The following PLCB1 variants were observed in gnomAD, a reference collection of about 807,000 sequenced individuals.
PLCB1 encodes the protein 1-phosphatidylinositol 4,5-bisphosphate phosphodiesterase beta-1.
Under a neutral mutation model 161.8 loss-of-function variants are expected in PLCB1, and 46 were observed. The observed-to-expected ratio is 0.28, with a 90% CI of 0.22 to 0.36. The LOEUF is 0.36. Among genes scored for constraint, PLCB1 ranks in the 10% least tolerant of loss-of-function variants. The pLI is 1.00. For missense variants in PLCB1, 1,016 were observed against 1,472.5 expected (o/e 0.69, Z 5.07); for synonymous variants, 517 against 503.7 (o/e 1.03, Z -0.35).
At chr20:8,240,332 T>C (rs1980546775) in intron 2 of PLCB1, among the ~76,000 whole-genome samples, 1 of 151,738 alleles carries the variant, frequency 6.6e-6, no homozygotes, top group Admixed American at 6.6e-5. Context: ...TTGCTTAATA[T>C]GCAGTATTTA....
intron 31 of PLCB1, among the ~76,000 whole-genome samples, chr20:8,827,077 A>C (rs1052801274): frequency 6.6e-6 from 1 of 152,240 alleles, no homozygotes; most frequent in African/African-American, 2.4e-5. Context: ...GTAACAAGTA[A>C]TTAAGGAAAC....
At chr20:8,386,398 AG>A (rs1987427621) in intron 3 of PLCB1, among the ~76,000 whole-genome samples, 1 of 152,208 alleles carries the variant, frequency 6.6e-6, no homozygotes, top group East Asian at 1.9e-4. Flanking sequence ...TTTTGTGGCC[AG>A]GTGCATTGTC....
chr20:8,237,954 A>C (rs926136731), intron 2 of PLCB1, among the ~76,000 whole-genome samples: 3 of 152,120 alleles, frequency 2.0e-5, no homozygotes, highest in Non-Finnish European at 4.4e-5. Context: ...CAAGTTAAAG[A>C]TGGCCTTTGA....
chr20:8,724,163 A>G (rs910981987), intron 15 of PLCB1, among the ~76,000 whole-genome samples: 2 of 67,858 alleles, frequency 2.9e-5, no homozygotes, highest in African/African-American at 1.5e-4. Context: ...CCCCAGTGAC[A>G]TAAGTTTATT....
chr20:8,688,517 T>C (rs572816093), intron 10 of PLCB1, among the ~76,000 whole-genome samples: 1 of 152,338 alleles, frequency 6.6e-6, no homozygotes, highest in East Asian at 1.9e-4. Flanking sequence ...GAGTTGATTT[T>C]TGTATAAGGT....
At chr20:8,674,542 C>T (rs1268719234) in intron 9 of PLCB1, among the ~76,000 whole-genome samples, 1 of 152,166 alleles carries the variant, frequency 6.6e-6, no homozygotes. Context: ...TCCATCTTTG[C>T]CACCCTTGAG....
chr20:8,195,560 C>T (rs962336975), intron 2 of PLCB1, among the ~76,000 whole-genome samples: 1 of 152,018 alleles, frequency 6.6e-6, no homozygotes, highest in Non-Finnish European at 1.5e-5. Context: ...TTTTTAAAAG[C>T]AGAAAATTAA....
At chr20:8,724,621 TCTGG>T in intron 15 of PLCB1, 31 bp from the exon 16 acceptor site, 2 of 1,162,678 alleles carry the variant, frequency 1.7e-6, no homozygotes, top group Non-Finnish European at 2.6e-6. Context: ...TAATGCTGAC[TCTGG>T]AAATGTTTTC....
intron 3 of PLCB1, among the ~76,000 whole-genome samples, chr20:8,623,406 AT>A (rs1395185715): frequency 6.6e-6 from 1 of 152,216 alleles, no homozygotes; most frequent in Admixed American, 6.5e-5. Context: ...TCAGATGAAG[AT>A]GCATGGCTAA....
chr20:8,183,034 G>C (rs1301300886), intron 2 of PLCB1, among the ~76,000 whole-genome samples: 1 of 152,166 alleles, frequency 6.6e-6, no homozygotes, highest in Non-Finnish European at 1.5e-5. Flanking sequence ...CAGCTGAGCT[G>C]GGCCCAGATC....
intron 3 of PLCB1, among the ~76,000 whole-genome samples, chr20:8,438,685 C>G (rs775482378): frequency 2.0e-4 from 30 of 152,240 alleles, no homozygotes; most frequent in Non-Finnish European, 4.1e-4. Context: ...CCAAGTACCC[C>G]CTAGCTTTGC....
intron 2 of PLCB1, among the ~76,000 whole-genome samples, chr20:8,354,451 A>G (rs1307598687): frequency 6.6e-6 from 1 of 152,220 alleles, no homozygotes; most frequent in Non-Finnish European, 1.5e-5. Context: ...CTGTTTAGAA[A>G]TCACAGCAAA....
At chr20:8,177,143 C>A (rs566136447) in intron 2 of PLCB1, among the ~76,000 whole-genome samples, 15 of 152,150 alleles carry the variant, frequency 9.9e-5, no homozygotes, top group Non-Finnish European at 2.1e-4. Flanking sequence ...TGAAACCTAA[C>A]CCCCACAGTG....
chr20:8,289,969 T>C (rs747327002), intron 2 of PLCB1, among the ~76,000 whole-genome samples: 2 of 152,210 alleles, frequency 1.3e-5, no homozygotes, highest in Non-Finnish European at 2.9e-5. Context: ...TATTTCAACA[T>C]TTAATATAAA....
chr20:8,415,536 G>T (rs1221526007), intron 3 of PLCB1, among the ~76,000 whole-genome samples: 1 of 152,174 alleles, frequency 6.6e-6, no homozygotes, highest in African/African-American at 2.4e-5. Context: ...GTGGAGTAGG[G>T]GGAGTGAAGC....
At chr20:8,454,466 G>A (rs971687482) in intron 3 of PLCB1, among the ~76,000 whole-genome samples, 3 of 152,224 alleles carry the variant, frequency 2.0e-5, no homozygotes, top group African/African-American at 7.2e-5. Context: ...AGAGCAGTTA[G>A]GTAGACAACA....
chr20:8,666,388 G>A (rs1424158478), intron 9 of PLCB1, among the ~76,000 whole-genome samples: 1 of 152,144 alleles, frequency 6.6e-6, no homozygotes, highest in Admixed American at 6.6e-5. Flanking sequence ...AAAAGTGAAA[G>A]ATGGGTAAGG....
intron 3 of PLCB1, among the ~76,000 whole-genome samples, chr20:8,457,422 CT>C (rs1981365318): frequency 1.3e-5 from 2 of 152,192 alleles, no homozygotes; most frequent in Non-Finnish European, 2.9e-5. Context: ...TCTTTCTCAT[CT>C]CCTTATTTTG....
chr20:8,550,005 G>A (rs1985715105), intron 3 of PLCB1, among the ~76,000 whole-genome samples: 1 of 152,094 alleles, frequency 6.6e-6, no homozygotes, highest in Non-Finnish European at 1.5e-5. Flanking sequence ...GACTTGCATG[G>A]GGCCTGTAGC....
Sources: allele counts gnomAD v4.1 joint callset (sites outside exome capture counted in the v4.1 genomes callset), GRCh38; gene constraint gnomAD v4.1.1; transcripts MANE v1.5; gene names NCBI Gene and HGNC (gene_info 2026-07-23, HGNC 2026-07-21).